The following RMDN3 variants were observed in gnomAD, a reference collection of about 807,000 sequenced individuals.
RMDN3 encodes regulator of microtubule dynamics protein 3.
Under a neutral mutation model 61.8 loss-of-function variants are expected in RMDN3, and 41 were observed. That is an observed-to-expected ratio of 0.66 (90% CI 0.52 to 0.86). The LOEUF is 0.86. Ranked by LOEUF, RMDN3 falls within the 40% of genes least tolerant of loss-of-function variation. The pLI, the probability that RMDN3 is intolerant of heterozygous loss-of-function variation, is 0.00. For missense variants in RMDN3, 557 were observed against 585.3 expected, an observed-to-expected ratio of 0.95 and a Z score of 0.50; for synonymous variants, 247 against 232.0, an observed-to-expected ratio of 1.06 and a Z score of -0.59.
chr15:40,738,623 C>A (rs747284865), intron 7 of RMDN3, 47 bp from the exon 8 acceptor site: 47 of 1,591,986 alleles, frequency 3.0e-5, no homozygotes, highest in Non-Finnish European at 4.0e-5. Flanking sequence ...AGTACCATCA[C>A]TGCAAGGAAT....
rs1348270340 is a variant in RMDN3, at chr15:40,736,476, A to G, written c.*65T>C. On this transcript the variant is annotated 3_prime_UTR_variant, in exon 13 of 13. Coordinates refer to ENST00000338376, the MANE Select transcript of RMDN3 (RefSeq NM_018145.3). ...TCCTGATCTCAGCAAGGTCTAAGGA[A>G]AAAAGCCTCCCCGCCCCCCCACCTT... The G allele has an allele frequency of 2.7e-6, 4 of 1,502,482 alleles. No homozygotes were observed. The allele number at this position is 1,502,482 out of a possible 1,614,324, so 93.1% of individuals were successfully genotyped here.
chr15:40,753,429 T>C (rs1198025226), intron 2 of RMDN3, among the ~76,000 whole-genome samples: 1 of 152,022 alleles, frequency 6.6e-6, no homozygotes, highest in African/African-American at 2.4e-5. Flanking sequence ...CGAGAATCAC[T>C]TGAACCCAGG....
intron 2 of RMDN3, among the ~76,000 whole-genome samples, chr15:40,752,647 T>C (rs530514519): frequency 2.6e-5 from 4 of 152,138 alleles, no homozygotes; most frequent in Non-Finnish European, 5.9e-5. Context: ...CTCCCAGAAC[T>C]TCATTTAGTA....
intron 7 of RMDN3, 176 bp from the exon 8 acceptor site, chr15:40,738,752 A>G: frequency 1.6e-6 from 1 of 627,642 alleles, no homozygotes; most frequent in Non-Finnish European, 2.8e-6. Context: ...TCTGGCCCCA[A>G]TTAGTATTCT....
chr15:40,744,113 G>C lies in RMDN3; in HGVS notation c.844C>G (p.Arg282Gly), dbSNP rs759483521. ...SRQDFLWRLA[R>G]AYSDMCELTE... ...AGCTCACACATGTCACTGTAGGCTC[G>C]GGCCAGGCGCCAGAGAAAGTCCTGC... The change falls in exon 6 of 13, where the codon CGA (arginine) becomes GGA (glycine). Residue 282 changes from arginine to glycine, a missense_variant. Coordinates refer to ENST00000338376, the MANE Select transcript of RMDN3 (RefSeq NM_018145.3). 1.2e-6 allele frequency: 2 copies of C among 1,613,550 alleles called. No individual in the cohort carries two copies. Among genetic ancestry groups the C allele is most frequent in the Non-Finnish European group, 8.5e-7 (1 of 1,180,010 alleles).
rs1440544055 is a variant in RMDN3, at chr15:40,749,068, T to C, written c.524+2358A>G. Among the ~76,000 whole-genome samples, 7 of 152,288 alleles carry C rather than the reference T, an allele frequency of 4.6e-5. No homozygotes were observed. The East Asian group carries it at 1.4e-3, about 29-fold the overall frequency. On this transcript the variant is annotated intron_variant, in intron 4 of 12. Transcript: ENST00000338376. ...ACCGGTGCCTGCCAACATGCCTGGC[T>C]AATTTTTGTATTTTTAGTAGAGACG...
In RMDN3 at chr15:40,754,724, G is replaced by A. The variant is rs761530880; in HGVS notation, c.60C>T (p.Thr20=). The A allele has an allele frequency of 1.9e-6, 3 of 1,613,558 alleles. No homozygotes were observed. Among genetic ancestry groups the A allele is most frequent in the Admixed American group, 1.7e-5 (1 of 59,980 alleles). The change falls in exon 2 of 13, where the codon ACC becomes ACT. Residue 20 remains threonine, a synonymous_variant. Transcript: ENST00000338376. ...GGCACAGGAATCCAAGGCCGGCGGCGGTACCCAGCAACAGTCCCAGCCCGG... is the reference window on the plus strand; with the variant it reads ...GGCACAGGAATCCAAGGCCGGCGGCAGTACCCAGCAACAGTCCCAGCCCGG... ...ARAGLGLLLG[T]AAGLGFLCLL...
chr15:40,737,673 G>A lies in RMDN3; in HGVS notation c.1179C>T (p.Ser393=). 1 of 1,614,076 alleles carries A rather than the reference G, an allele frequency of 6.2e-7. No homozygotes were observed. Among genetic ancestry groups the A allele is most frequent in the Non-Finnish European group, 8.5e-7 (1 of 1,180,008 alleles). Residue 393 remains serine, a synonymous_variant, in exon 10 of 13, where the codon AGC becomes AGT. Transcript: ENST00000338376. ...CATCTTCCACAGTGGCACTGAGAGGGCTTTCAAGCAAGGCTGTAGCAGTTT... is the reference window on the plus strand; with the variant it reads ...CATCTTCCACAGTGGCACTGAGAGGACTTTCAAGCAAGGCTGTAGCAGTTT... ...EKKTATALLE[S]PLSATVEDAL...
chr15:40,747,304 A>G (rs2141918334), intron 4 of RMDN3, among the ~76,000 whole-genome samples: 1 of 152,280 alleles, frequency 6.6e-6, no homozygotes, highest in East Asian at 1.9e-4. Flanking sequence ...TCTGGATCCT[A>G]AAGGCCCAGC....
chr15:40,740,062 G>C, intron 7 of RMDN3, 71 bp downstream of exon 7: 1 of 1,021,980 alleles, frequency 9.8e-7, no homozygotes, highest in Non-Finnish European at 1.5e-6. Context: ...GGCCCAGGCA[G>C]AGAAAAGAAA....
chr15:40,751,872 T>C (rs1005998461), intron 3 of RMDN3, 114 bp downstream of exon 3: 4 of 1,172,592 alleles, frequency 3.4e-6, no homozygotes, highest in Non-Finnish European at 4.9e-6. Context: ...CAGATTAGGC[T>C]AGAAGCTATA....
At chr15:40,737,566 A>G in intron 10 of RMDN3, 62 bp downstream of exon 10, 1 of 1,458,698 alleles carries the variant, frequency 6.9e-7, no homozygotes, top group Non-Finnish European at 9.6e-7. Flanking sequence ...GGTCTCAATA[A>G]TGTCCTTAGG....
intron 4 of RMDN3, 145 bp from the exon 5 acceptor site, chr15:40,745,404 C>A: frequency 1.8e-4 from 97 of 529,200 alleles, no homozygotes; most frequent in Non-Finnish European, 2.8e-4. Flanking sequence ...TAAGGGCAGA[C>A]TTTTTTTCTT....
chr15:40,744,586 G>A (rs1286338914), intron 5 of RMDN3, among the ~76,000 whole-genome samples: 1 of 151,888 alleles, frequency 6.6e-6, no homozygotes, highest in African/African-American at 2.4e-5. Flanking sequence ...CTACACAGTT[G>A]TCGCTTGTAA....
intron 6 of RMDN3, among the ~76,000 whole-genome samples, chr15:40,740,542 A>C (rs144297588): frequency 0.014 from 2,162 of 152,292 alleles, 55 homozygotes; most frequent in African/African-American, 0.049. Flanking sequence ...GCTACTCAAA[A>C]GGCTGAGGCA....
intron 6 of RMDN3, among the ~76,000 whole-genome samples, chr15:40,743,615 C>T (rs1897368497): frequency 6.6e-6 from 1 of 152,100 alleles, no homozygotes; most frequent in African/African-American, 2.4e-5. Context: ...CAGGGTGGAG[C>T]CTTTGCCAAC....
chr15:40,754,714 GGCC>G lies in RMDN3; in HGVS notation c.67_69del (p.Gly23del). ...CTGTAAAGGAGGCACAGGAATCCAA[GGCC>G]GGCGGCGGTACCCAGCAACAGTCCC... On this transcript the variant is annotated inframe_deletion, in exon 2 of 13. Transcript: ENST00000338376. 1 of 1,613,868 alleles carries G rather than the reference GGCC, an allele frequency of 6.2e-7. No homozygotes were observed. Among genetic ancestry groups the G allele is most frequent in the Non-Finnish European group, 8.5e-7 (1 of 1,179,944 alleles).
Position 40,740,177 on chromosome 15 carries a change from C to G in RMDN3, c.927G>C (p.Glu309Asp). The change falls in exon 7 of 13, where the codon GAG becomes GAC. Residue 309 changes from glutamate to aspartate, a missense_variant. Physicochemically the swap from Glu to Asp is conservative, Grantham distance 45. Coordinates refer to ENST00000338376, the MANE Select transcript of RMDN3 (RefSeq NM_018145.3). ...SYALDGKEEA[E>D]AALEKGDESA... is the part of the protein sequence containing the mutation. ...TCTCATCCCCCTTCTCCAGAGCAGC[C>G]TCTGCTTCTTCTTTTCCTGTAGGAC... 1 of 1,611,758 alleles carries G rather than the reference C, an allele frequency of 6.2e-7. No homozygotes were observed. Among genetic ancestry groups the G allele is most frequent in the Non-Finnish European group, 8.5e-7 (1 of 1,178,260 alleles).
Position 40,740,208 on chromosome 15 carries a change from T to C in RMDN3, c.911-15A>G. Reference sequence around the variant, plus strand: ...TTCTTCTTTTCCTGTAGGACGAAGGTAGATCCAGAGTTGACATAGCTCTTA... The same window carrying C: ...TTCTTCTTTTCCTGTAGGACGAAGGCAGATCCAGAGTTGACATAGCTCTTA... On this transcript the variant is annotated splice_polypyrimidine_tract_variant and intron_variant, in intron 6 of 12. Transcript: ENST00000338376. The C allele has an allele frequency of 6.3e-7, 1 of 1,595,856 alleles. No individual in the cohort carries two copies. Among genetic ancestry groups the C allele is most frequent in the Non-Finnish European group, 8.6e-7 (1 of 1,164,870 alleles).
Sources: gnomAD v4.1 joint callset for allele counts (sites outside exome capture counted in the v4.1 genomes callset) on GRCh38, gnomAD v4.1.1 for gene constraint, MANE v1.5 for transcripts, NCBI Gene and HGNC (gene_info 2026-07-23, HGNC 2026-07-21) for gene names.